Variants in NOL4 observed in about 807,000 individuals in gnomAD.
NOL4 encodes nucleolar protein 4, also known as cancer/testis antigen 125.
Under a neutral mutation model 75.9 loss-of-function variants are expected in NOL4, and 17 were observed. The observed-to-expected ratio is 0.22, with a 90% CI of 0.15 to 0.34. NOL4 has a LOEUF of 0.34. NOL4 is among the 10% of genes least tolerant of loss of function. NOL4 has a pLI of 1.00. For missense variants in NOL4, 614 were observed against 793.5 expected (o/e 0.77, Z 2.72); for synonymous variants, 292 against 289.9 (o/e 1.01, Z -0.07).
At chr18:34,050,151 T>A (rs949837821) in intron 5 of NOL4, among the ~76,000 whole-genome samples, 1 of 152,136 alleles carries the variant, frequency 6.6e-6, no homozygotes, top group Non-Finnish European at 1.5e-5. Flanking sequence ...TCACAATATA[T>A]GCAGATAATT....
chr18:34,074,309 T>A (rs544247686), intron 5 of NOL4, among the ~76,000 whole-genome samples: 1 of 151,756 alleles, frequency 6.6e-6, no homozygotes, highest in African/African-American at 2.4e-5. Context: ...AAGCTCATTA[T>A]AGAATTTTTG....
In NOL4 at chr18:34,030,821, G is replaced by A. The variant is rs369139589; in HGVS notation, c.773-11220C>T. Reference sequence around the variant, plus strand: ...ATGTAAAAACATCACTGTGTACCCCGTAAATAAGTGCAATTATTATTTGTC... The same window carrying A: ...ATGTAAAAACATCACTGTGTACCCCATAAATAAGTGCAATTATTATTTGTC... On this transcript the variant is annotated intron_variant, in intron 5 of 10. Coordinates refer to ENST00000261592, the MANE Select transcript of NOL4 (RefSeq NM_003787.5). Among the ~76,000 whole-genome samples, 58 of 152,000 alleles carry A rather than the reference G, an allele frequency of 3.8e-4. 1 individual carries two copies. The South Asian group carries it at 6.7e-3, about 17-fold the overall frequency.
chr18:34,194,460 GC>G lies in NOL4; in HGVS notation c.264+28529del, dbSNP rs869257429. 8.7e-4 allele frequency among the ~76,000 whole-genome samples: 78 copies of G among 89,838 alleles called. No homozygotes were observed. The East Asian group carries it at 0.013, about 14-fold the overall frequency. 58.9% of individuals were successfully genotyped at this position (89,838 alleles called of 152,430 possible). A position where few individuals can be genotyped will look rare whatever the true frequency, so the allele number is the denominator to read the frequency against. On this transcript the variant is annotated intron_variant, in intron 1 of 10. Transcript: ENST00000261592. ...GGAAGGAAGGAAGGAAGGAAGGAAGGCAGGCAGGCAGGCAGGCAGGCAGGCA... is the reference window on the plus strand; with the variant it reads ...GGAAGGAAGGAAGGAAGGAAGGAAGGAGGCAGGCAGGCAGGCAGGCAGGCA...
At chr18:34,198,566 A>G (rs1384638810) in intron 1 of NOL4, among the ~76,000 whole-genome samples, 1 of 151,888 alleles carries the variant, frequency 6.6e-6, no homozygotes, top group Non-Finnish European at 1.5e-5. Flanking sequence ...CATCTTAGAA[A>G]TGTATTGATG....
chr18:34,125,146 G>T (rs2080327288), intron 2 of NOL4, among the ~76,000 whole-genome samples: 2 of 152,130 alleles, frequency 1.3e-5, no homozygotes, highest in Admixed American at 6.6e-5. Flanking sequence ...AAATACAGGG[G>T]TCAATGGTTT....
chr18:34,050,172 G>C (rs1216652034), intron 5 of NOL4, among the ~76,000 whole-genome samples: 4 of 151,880 alleles, frequency 2.6e-5, no homozygotes, highest in Non-Finnish European at 4.4e-5. Context: ...TTCCCTTCAT[G>C]ATCCTCTTTT....
chr18:34,049,735 T>G (rs1202744875), intron 5 of NOL4, among the ~76,000 whole-genome samples: 1 of 152,102 alleles, frequency 6.6e-6, no homozygotes, highest in Non-Finnish European at 1.5e-5. Flanking sequence ...TGTCTGTAAT[T>G]ATTCTCCTTT....
intron 6 of NOL4, among the ~76,000 whole-genome samples, chr18:33,985,393 C>T (rs1195765609): frequency 6.6e-6 from 1 of 152,000 alleles, no homozygotes; most frequent in Non-Finnish European, 1.5e-5. Context: ...ATCTTAATTT[C>T]CAGTATTTTG....
intron 1 of NOL4, among the ~76,000 whole-genome samples, chr18:34,181,150 A>C (rs1022948040): frequency 6.6e-6 from 1 of 151,540 alleles, no homozygotes; most frequent in Non-Finnish European, 1.5e-5. Context: ...TGGAGAACTC[A>C]TGCTACCAAA....
intron 9 of NOL4, among the ~76,000 whole-genome samples, chr18:33,899,466 A>G (rs1451283110): frequency 2.6e-5 from 4 of 152,048 alleles, no homozygotes; most frequent in Admixed American, 2.0e-4. Flanking sequence ...TGGACTCACA[A>G]TTTGGGGAAG....
chr18:33,970,574 C>A (rs552581055), intron 6 of NOL4, among the ~76,000 whole-genome samples: 3 of 152,152 alleles, frequency 2.0e-5, no homozygotes, highest in Non-Finnish European at 4.4e-5. Context: ...AATAATAAGG[C>A]CTATACTTTA....
intron 4 of NOL4, among the ~76,000 whole-genome samples, chr18:34,094,339 T>G (rs534803090): frequency 6.6e-6 from 1 of 152,178 alleles, no homozygotes; most frequent in Non-Finnish European, 1.5e-5. Context: ...CCACATGTAA[T>G]GGAGAGCAAG....
At chr18:34,150,747 A>G (rs2081605691) in intron 1 of NOL4, among the ~76,000 whole-genome samples, 1 of 151,748 alleles carries the variant, frequency 6.6e-6, no homozygotes, top group South Asian at 2.1e-4. Context: ...GATAAGCTAG[A>G]CTTCATTATA....
chr18:34,195,836 T>C (rs2035287636), intron 1 of NOL4, among the ~76,000 whole-genome samples: 1 of 152,138 alleles, frequency 6.6e-6, no homozygotes, highest in Non-Finnish European at 1.5e-5. Context: ...TTCAGTAAGT[T>C]AAAATATCAT....
At chr18:34,134,857 AC>A (rs2080826944) in intron 1 of NOL4, among the ~76,000 whole-genome samples, 1 of 152,196 alleles carries the variant, frequency 6.6e-6, no homozygotes, top group African/African-American at 2.4e-5. Flanking sequence ...ACTTCTGAAA[AC>A]TAATTGGTCA....
intron 1 of NOL4, among the ~76,000 whole-genome samples, chr18:34,198,247 T>C (rs1375980274): frequency 6.6e-6 from 1 of 151,906 alleles, no homozygotes; most frequent in Non-Finnish European, 1.5e-5. Flanking sequence ...ACACTTATTT[T>C]AGATTGTCTT....
intron 2 of NOL4, among the ~76,000 whole-genome samples, chr18:34,124,979 A>G (rs948984931): frequency 1.3e-5 from 2 of 151,972 alleles, no homozygotes; most frequent in African/African-American, 4.8e-5. Flanking sequence ...AATAACTCAC[A>G]TTTTCTTTCT....
intron 6 of NOL4, among the ~76,000 whole-genome samples, chr18:33,987,277 C>T (rs2072536821): frequency 6.6e-6 from 1 of 152,060 alleles, no homozygotes; most frequent in African/African-American, 2.4e-5. Flanking sequence ...ATGATCGGAG[C>T]TTGGAAAGTA....
chr18:33,975,001 A>C (rs1238526840), intron 6 of NOL4, among the ~76,000 whole-genome samples: 1 of 152,228 alleles, frequency 6.6e-6, no homozygotes, highest in African/African-American at 2.4e-5. Flanking sequence ...AAGTAAGGAA[A>C]TCCTATCACA....
Sources: gnomAD v4.1 joint callset for allele counts (sites outside exome capture counted in the v4.1 genomes callset) on GRCh38, gnomAD v4.1.1 for gene constraint, MANE v1.5 for transcripts, NCBI Gene and HGNC (gene_info 2026-07-23, HGNC 2026-07-21) for gene names.